The following ATP2C1 variants were observed in gnomAD, a reference collection of about 807,000 sequenced individuals.
ATP2C1 encodes the protein ATPase secretory pathway Ca2+ transporting 1, also known as calcium-transporting ATPase type 2C member 1.
ATP2C1 carries 31 observed loss-of-function variants against 120.5 expected under a neutral mutation model. The ratio of observed to expected loss-of-function variants is 0.26; its 90% confidence interval spans 0.19 to 0.35. The LOEUF is 0.35. Among genes scored for constraint, ATP2C1 ranks in the 10% least tolerant of loss-of-function variants. ATP2C1 has a pLI of 1.00. For synonymous variants in ATP2C1, 351 were observed against 358.7 expected (o/e 0.98, Z 0.24); for missense variants, 731 against 1,107.5 (o/e 0.66, Z 4.83).
chr3:130,870,649 C>T (rs1376208823), intron 1 of ATP2C1, among the ~76,000 whole-genome samples: 5 of 152,126 alleles, frequency 3.3e-5, no homozygotes, highest in African/African-American at 1.2e-4. Flanking sequence ...TCATGATAAA[C>T]GTTGAACAGA....
Position 130,921,893 on chromosome 3 carries a change from A to G in ATP2C1, c.7-8523A>G, listed in dbSNP as rs77668964. The stretch of plus-strand genomic sequence containing the variant: ...TATTTTGTTGGGAAGTTTTGCATCT[A>G]TATTTATTAAGGATATTGGTCTGTA... On this transcript the variant is annotated intron_variant, in intron 2 of 27. Coordinates refer to ENST00000510168, the MANE Select transcript of ATP2C1 (RefSeq NM_001378687.1). 4.7e-3 allele frequency among the ~76,000 whole-genome samples: 712 copies of G among 152,212 alleles called. 5 individuals carry two copies. Among genetic ancestry groups the G allele is most frequent in the African/African-American group, 0.016 (649 of 41,518 alleles).
exon 27 of ATP2C1, chr3:131,016,597 T>C: frequency 2.0e-6 from 1 of 491,774 alleles, no homozygotes; most frequent in Non-Finnish European, 3.6e-6. Context: ...TCCACTGGTC[T>C]ACTACCTGAC....
At chr3:130,878,459 T>C (rs148727819) in intron 1 of ATP2C1, among the ~76,000 whole-genome samples, 1 of 152,358 alleles carries the variant, frequency 6.6e-6, no homozygotes, top group East Asian at 1.9e-4. Context: ...TTTTCTGTCT[T>C]ATTTTTGTAT....
chr3:130,882,563 A>T (rs758618518), intron 1 of ATP2C1, among the ~76,000 whole-genome samples: 27 of 152,180 alleles, frequency 1.8e-4, no homozygotes, highest in Non-Finnish European at 3.4e-4. Context: ...TTTAATCATG[A>T]ACAGATGTTA....
chr3:130,867,768 G>T (rs1375400826), intron 1 of ATP2C1, among the ~76,000 whole-genome samples: 1 of 26,490 alleles, frequency 3.8e-5, no homozygotes, highest in Non-Finnish European at 1.7e-4. Flanking sequence ...GGGATATGAG[G>T]AGCCCCCTCT....
chr3:130,893,369 C>T (rs1400391997), upstream of ATP2C1, among the ~76,000 whole-genome samples: 1 of 152,208 alleles, frequency 6.6e-6, no homozygotes, highest in Non-Finnish European at 1.5e-5. Flanking sequence ...CTCCCTGGAG[C>T]TCTCTGAGGC....
chr3:131,015,211 T>C, intron 26 of ATP2C1: 1 of 702,452 alleles, frequency 1.4e-6, no homozygotes, highest in Non-Finnish European at 2.6e-6. Flanking sequence ...CACCATATTT[T>C]GTATGCGTCC....
intron 8 of ATP2C1, among the ~76,000 whole-genome samples, chr3:130,949,568 A>AAG (rs2060283463): frequency 6.6e-6 from 1 of 152,164 alleles, no homozygotes; most frequent in Admixed American, 6.6e-5. Context: ...AGATGTAGCT[A>AAG]AGATCATTGA....
intron 20 of ATP2C1, among the ~76,000 whole-genome samples, chr3:130,981,183 G>T (rs218487): frequency 0.88 from 134,244 of 152,112 alleles, 59,810 homozygotes; most frequent in Non-Finnish European, 0.95. Flanking sequence ...GATTATCTTA[G>T]GCCTTTTTGT....
At chr3:130,922,813 A>C (rs577775470) in intron 2 of ATP2C1, among the ~76,000 whole-genome samples, 13 of 152,206 alleles carry the variant, frequency 8.5e-5, no homozygotes, top group Non-Finnish European at 1.8e-4. Flanking sequence ...CACTGTGGTC[A>C]GAGAGGATAC....
chr3:130,957,477 G>A lies in ATP2C1; in HGVS notation c.832+1298G>A, dbSNP rs76125029. 0.011 allele frequency among the ~76,000 whole-genome samples: 1,722 copies of A among 152,046 alleles called. 126 individuals are homozygous for A. In the East Asian group the frequency reaches 0.21, roughly 19 times the overall value. ...CACATTAAGCACTTGCATTAATTTT[G>A]GAGTCTTTTCTCCTTTAATTTTCTT... On this transcript the variant is annotated intron_variant, in intron 11 of 27. Coordinates refer to ENST00000510168, the MANE Select transcript of ATP2C1 (RefSeq NM_001378687.1).
chr3:130,931,968 T>C, intron 3 of ATP2C1, 54 bp from the exon 4 acceptor site: 1 of 1,191,964 alleles, frequency 8.4e-7, no homozygotes, highest in Non-Finnish European at 1.3e-6. Context: ...CTTTTTTGTG[T>C]TTTTCTTTTC....
At chr3:130,918,247 T>C in intron 2 of ATP2C1, 1 of 1,509,000 alleles carries the variant, frequency 6.6e-7, no homozygotes, top group African/African-American at 1.4e-5. Context: ...AGCCCTCTCC[T>C]TGGCCATAGC....
chr3:130,912,497 A>G (rs1326169010), intron 2 of ATP2C1, among the ~76,000 whole-genome samples: 6 of 148,574 alleles, frequency 4.0e-5, no homozygotes, highest in Admixed American at 3.3e-4. Context: ...AAAACACATG[A>G]AAAAATGCTC....
At position 130,917,403 on chromosome 3, in the gene ATP2C1, G is replaced by A. The variant is rs577873992; in HGVS notation, c.7-13013G>A. ...AAAAGCAGATTAATAATATGTGAAC[G>A]CCTTTGGATTTGTTTTATCTAAGTA... is the stretch of plus-strand genomic sequence containing the variant. On this transcript the variant is annotated intron_variant, in intron 2 of 27. Transcript: ENST00000510168. Among the ~76,000 whole-genome samples, 27 of 152,198 alleles carry A rather than the reference G, an allele frequency of 1.8e-4. No homozygotes were observed. In the East Asian group the frequency reaches 2.5e-3, roughly 14 times the overall value.
At position 131,001,503 on chromosome 3, in the gene ATP2C1, G is replaced by A; in HGVS notation, c.*153G>A. 7.6e-7 allele frequency: 1 copy of A among 1,322,134 alleles called. No individual in the cohort carries two copies. The highest frequency in any genetic ancestry group is 9.7e-7 in the Non-Finnish European group (1 of 1,034,472). The allele number at this position is 1,322,134 out of a possible 1,614,324, so 81.9% of individuals were successfully genotyped here. ...TGTTAAAGACTTAAGACTTTAACCT[G>A]CTGGCAGTCCCAAATGAAATTATGC... is the stretch of plus-strand genomic sequence containing the variant. On this transcript the variant is annotated 3_prime_UTR_variant, in exon 28 of 28. Coordinates refer to ENST00000510168, the MANE Select transcript of ATP2C1 (RefSeq NM_001378687.1).
intron 2 of ATP2C1, among the ~76,000 whole-genome samples, chr3:130,907,482 G>T (rs1354899598): frequency 6.6e-6 from 1 of 151,964 alleles, no homozygotes; most frequent in Non-Finnish European, 1.5e-5. Context: ...TCATTCTTTT[G>T]CATAGAATAT....
chr3:130,956,085 TC>T lies in ATP2C1; in HGVS notation c.757-18del. 6.4e-7 allele frequency: 1 copy of T among 1,560,656 alleles called. No individual in the cohort carries two copies. Among genetic ancestry groups the T allele is most frequent in the Non-Finnish European group, 8.8e-7 (1 of 1,131,932 alleles). On this transcript the variant is annotated intron_variant, in intron 10 of 27. Transcript: ENST00000510168. Reference sequence around the variant, plus strand: ...TAAATATAGCTAATTGTGGTGACACTCTTCTTCAATTTATCAAGGCACCAAA... The same window carrying T: ...TAAATATAGCTAATTGTGGTGACACTTTCTTCAATTTATCAAGGCACCAAA...
chr3:131,005,899 A>T (rs1166317069), downstream of ATP2C1, among the ~76,000 whole-genome samples: 1 of 152,294 alleles, frequency 6.6e-6, no homozygotes, highest in Admixed American at 6.5e-5. Flanking sequence ...AATTACTGGT[A>T]GCAATTTTTT....
Sources: allele counts gnomAD v4.1 joint callset (sites outside exome capture counted in the v4.1 genomes callset), GRCh38; gene constraint gnomAD v4.1.1; transcripts MANE v1.5; gene names NCBI Gene and HGNC (gene_info 2026-07-23, HGNC 2026-07-21).